The following SPG7 variants were observed in gnomAD, a reference collection of about 807,000 sequenced individuals.
The protein encoded by SPG7 is SPG7 matrix AAA peptidase subunit, paraplegin.
SPG7 carries 103 observed loss-of-function variants against 81.9 expected under a neutral mutation model. The observed-to-expected ratio is 1.26, with a 90% CI of 1.07 to 1.48. SPG7 has a LOEUF of 1.48. Among genes scored for constraint, SPG7 ranks in the 40% most tolerant of loss-of-function variants. The pLI is 0.00. For missense variants in SPG7, 1,241 were observed against 1,087.3 expected (o/e 1.14, Z -1.99); for synonymous variants, 534 against 444.2 (o/e 1.20, Z -2.54).
At chr16:89,550,383 GGC>G in intron 12 of SPG7, 109 bp from the exon 13 acceptor site, 1 of 784,560 alleles carries the variant, frequency 1.3e-6, no homozygotes, top group Non-Finnish European at 2.3e-6. Context: ...ATATTGGTCG[GGC>G]TGGTCTCGAA....
intron 4 of SPG7, among the ~76,000 whole-genome samples, chr16:89,524,507 G>A (rs1215119089): frequency 5.3e-5 from 8 of 152,220 alleles, no homozygotes; most frequent in Non-Finnish European, 1.0e-4. Context: ...GCAGTGATGT[G>A]ATCTTGGCTC....
chr16:89,529,672 A>G, intron 6 of SPG7, 93 bp downstream of exon 6: 3 of 943,286 alleles, frequency 3.2e-6, no homozygotes, highest in Non-Finnish European at 5.1e-6. Context: ...ACACAGGGAA[A>G]ACCTGTTGCA....
At chr16:89,553,522 G>C (rs1185653035) in intron 14 of SPG7, 1 of 549,770 alleles carries the variant, frequency 1.8e-6, no homozygotes, top group African/African-American at 1.9e-5. Flanking sequence ...GCATAGGCCT[G>C]GGCTTGTGCT....
At chr16:89,547,407 G>A (rs2058577111) in intron 11 of SPG7, 1 of 179,048 alleles carries the variant, frequency 5.6e-6, no homozygotes, top group African/African-American at 2.4e-5. Context: ...GATGGAGCCT[G>A]GCGGTTCTGT....
chr16:89,510,209 A>C (rs1019059082), intron 1 of SPG7, among the ~76,000 whole-genome samples: 1 of 151,636 alleles, frequency 6.6e-6, no homozygotes, highest in Non-Finnish European at 1.5e-5. Context: ...TCCTGACTTC[A>C]TGTGATCCAC....
intron 3 of SPG7, among the ~76,000 whole-genome samples, chr16:89,514,909 T>G (rs1286800585): frequency 1.2e-4 from 18 of 149,408 alleles, no homozygotes; most frequent in African/African-American, 4.4e-4. Flanking sequence ...AGATTACAGG[T>G]GTGAACCACC....
At chr16:89,532,229 A>G (rs1202819741) in intron 8 of SPG7, among the ~76,000 whole-genome samples, 163 bp downstream of exon 8, 1 of 152,186 alleles carries the variant, frequency 6.6e-6, no homozygotes, top group African/African-American at 2.4e-5. Flanking sequence ...TGCGAAGCAC[A>G]TGATGTTTGC....
rs543349298 is a variant in SPG7 at position 89,531,241 on chromosome 16, A to C, written c.987+433A>C. ...AGGGGCTGACATGTGTTCCCTCTGC[A>C]GGCCTGGTACAGTGGGTCACGCCTG... On this transcript the variant is annotated intron_variant, in intron 7 of 16. Transcript: ENST00000645818. 6.8e-5 allele frequency: 23 copies of C among 339,336 alleles called. 1 individual carries two copies. Among genetic ancestry groups the C allele is most frequent in the Admixed American group, 5.5e-4 (14 of 25,686 alleles). 21.0% of individuals were successfully genotyped at this position (339,336 alleles called of 1,614,324 possible). A position where few individuals can be genotyped will look rare whatever the true frequency, so the allele number is the denominator to read the frequency against.
chr16:89,528,241 A>C (rs979802994), intron 5 of SPG7, among the ~76,000 whole-genome samples: 12 of 151,188 alleles, frequency 7.9e-5, no homozygotes, highest in African/African-American at 2.9e-4. Context: ...ATACAAAAAA[A>C]ATTAGCCGGG....
intron 9 of SPG7, chr16:89,537,894 C>T (rs761472656): frequency 7.5e-6 from 4 of 532,390 alleles, no homozygotes; most frequent in Admixed American, 6.4e-5. Context: ...CCCTGGGAGC[C>T]GTGGACTGCC....
chr16:89,543,677 G>C (rs1410607753), intron 9 of SPG7: 9 of 129,838 alleles, frequency 6.9e-5, no homozygotes, highest in African/African-American at 1.2e-4. Context: ...TTTTCCTGAC[G>C]GAGTCTTGCC....
rs1269085882 is a variant in SPG7 at position 89,556,994 on chromosome 16, G to A, written c.2289G>A (p.Trp763Ter). The A allele has an allele frequency of 1.2e-6, 2 of 1,613,846 alleles. No individual in the cohort carries two copies. The highest frequency in any genetic ancestry group is 3.3e-5 in the Admixed American group (2 of 60,008). ...AGAAAATGATCGCACCGCAGAGGTG[G>A]ATCGACGCCCAGAGGGAGAAACAGG... is the stretch of plus-strand genomic sequence containing the variant. ...GPKKMIAPQR[W>*]IDAQREKQDL... is the part of the protein sequence containing the mutation. The change falls in exon 17 of 17, where the codon TGG (tryptophan) becomes TGA (stop). Residue 763 changes from tryptophan (W) to a stop codon, truncating the protein, a stop_gained. Coordinates refer to ENST00000645818, the MANE Select transcript of SPG7 (RefSeq NM_003119.4). LOFTEE classifies it low-confidence loss of function (END_TRUNC).
At chr16:89,549,249 T>C (rs564158141) in intron 12 of SPG7, 1 of 456,930 alleles carries the variant, frequency 2.2e-6, no homozygotes, top group Non-Finnish European at 4.4e-6. Context: ...CGTACTTGAG[T>C]GCTCAGGACC....
chr16:89,553,415 G>A (rs1462052478), intron 14 of SPG7: 6 of 531,648 alleles, frequency 1.1e-5, no homozygotes, highest in African/African-American at 9.5e-5. Flanking sequence ...AAATTGAAGC[G>A]GCTTCATTGT....
intron 2 of SPG7, among the ~76,000 whole-genome samples, chr16:89,512,133 G>A (rs1048822744): frequency 2.0e-5 from 3 of 151,974 alleles, no homozygotes; most frequent in South Asian, 2.1e-4. Flanking sequence ...GGATGGTCTC[G>A]ATCTCCTGAC....
At chr16:89,554,028 A>G (rs1406059184) in intron 15 of SPG7, 68 bp downstream of exon 15, 2 of 1,563,890 alleles carry the variant, frequency 1.3e-6, no homozygotes, top group Non-Finnish European at 8.7e-7. Context: ...GGTCTACCAC[A>G]CAAGGGTCGC....
At chr16:89,533,552 C>G (rs1359390375) in intron 9 of SPG7, 1 of 152,096 alleles carries the variant, frequency 6.6e-6, no homozygotes, top group Non-Finnish European at 1.5e-5. Flanking sequence ...AGCTGTGCCA[C>G]TCATAATTTT....
intron 11 of SPG7, chr16:89,547,071 C>T: frequency 5.2e-6 from 2 of 383,700 alleles, no homozygotes; most frequent in Admixed American, 7.5e-5. Context: ...CCCGTCAGAC[C>T]CAGAGTCAGA....
In SPG7 at chr16:89,556,902, C is replaced by A. The variant is rs1449152716; in HGVS notation, c.2197C>A (p.Leu733Met). 6.2e-7 allele frequency: 1 copy of A among 1,613,928 alleles called. No individual in the cohort carries two copies. The highest frequency in any genetic ancestry group is 1.7e-5 in the Admixed American group (1 of 60,016). ...DKLQALANAL[L>M]EKEVINYEDI... ...TTCTTTCTAGCTGGCAAACGCCCTT[C>A]TGGAAAAGGAAGTGATAAACTATGA... is the stretch of plus-strand genomic sequence containing the variant. Residue 733 changes from leucine (L) to methionine (M), a missense_variant, in exon 17 of 17, where the codon CTG becomes ATG. By Grantham distance (15) the Leu-to-Met change is conservative. Transcript: ENST00000645818.
Sources: allele counts gnomAD v4.1 joint callset (sites outside exome capture counted in the v4.1 genomes callset), GRCh38; gene constraint gnomAD v4.1.1; transcripts MANE v1.5; gene names NCBI Gene and HGNC (gene_info 2026-07-23, HGNC 2026-07-21).